The following RXFP1 variants were observed in gnomAD, a reference collection of about 807,000 sequenced individuals.
The protein encoded by RXFP1 is relaxin receptor 1.
A neutral mutation model predicts 89.8 loss-of-function variants in RXFP1; 73 were observed. The observed-to-expected ratio is 0.81, with a 90% CI of 0.67 to 0.99. The LOEUF is 0.99. RXFP1 is among the 50% of genes least tolerant of loss of function. The pLI is 0.00. For synonymous variants in RXFP1, 277 were observed against 305.5 expected (o/e 0.91, Z 0.97); for missense variants, 793 against 895.5 (o/e 0.89, Z 1.46).
At chr4:158,607,890 C>T in intron 5 of RXFP1, 82 bp from the exon 6 acceptor site, 1 of 847,042 alleles carries the variant, frequency 1.2e-6, no homozygotes, top group Non-Finnish European at 1.9e-6. Flanking sequence ...CCATCACCAT[C>T]ATCCATCCAC....
chr4:158,633,438 A>G lies in RXFP1; in HGVS notation c.933A>G (p.Pro311=), dbSNP rs766539152. 3 of 1,604,284 alleles carry G rather than the reference A, an allele frequency of 1.9e-6. No individual in the cohort carries two copies. Among genetic ancestry groups the G allele is most frequent in the Non-Finnish European group, 2.6e-6 (3 of 1,172,792 alleles). ...DLGSNKIENL[P]PLIFKDLKEL... is the part of the protein sequence containing the mutation. ...GAAGTAATAAGATTGAAAATCTTCC[A>G]CCGCTTATATTCAAGGACCTGAAGG... The change falls in exon 12 of 18, where the codon CCA becomes CCG. Residue 311 remains proline (P), a synonymous_variant. Transcript: ENST00000307765.
At chr4:158,616,753 C>G (rs892578301) in intron 8 of RXFP1, among the ~76,000 whole-genome samples, 1 of 151,078 alleles carries the variant, frequency 6.6e-6, no homozygotes, top group South Asian at 2.1e-4. Context: ...AATCCCAGCA[C>G]TTTGGGAGTC....
At chr4:158,542,076 T>G (rs1579444656) in intron 1 of RXFP1, among the ~76,000 whole-genome samples, 3 of 53,502 alleles carry the variant, frequency 5.6e-5, no homozygotes, top group East Asian at 6.1e-4. Context: ...GGCGCCACCA[T>G]GGCTATATAT....
At position 158,572,710 on chromosome 4, in the gene RXFP1, G is replaced by T; in HGVS notation, c.62G>T (p.Gly21Val). ...LIFGKYFSHG[G>V]GQDVKCSLGY... ...CCCTTTTCCTCAGTTTCTCATGGGG[G>T]TGGACAGGATGTCAAGTGCTCCCTT... The change falls in exon 2 of 18, where the codon GGT becomes GTT. Residue 21 changes from glycine (G) to valine (V), a missense_variant. Physicochemically the swap from Gly to Val is moderately radical, Grantham distance 109. Transcript: ENST00000307765. 1 of 1,614,130 alleles carries T rather than the reference G, an allele frequency of 6.2e-7. No homozygotes were observed.
At chr4:158,592,102 C>T (rs1352891798) in intron 2 of RXFP1, among the ~76,000 whole-genome samples, 2 of 151,820 alleles carry the variant, frequency 1.3e-5, no homozygotes, top group African/African-American at 4.8e-5. Flanking sequence ...CCTTTTATCC[C>T]ACAAATAAAA....
At chr4:158,583,027 TTAA>T (rs1394837548) in intron 2 of RXFP1, among the ~76,000 whole-genome samples, 3 of 152,248 alleles carry the variant, frequency 2.0e-5, no homozygotes, top group African/African-American at 7.2e-5. Context: ...ATGAAAGTGG[TTAA>T]TTCTAGCTGC....
At chr4:158,524,265 A>G (rs536170339) in intron 1 of RXFP1, among the ~76,000 whole-genome samples, 4 of 152,316 alleles carry the variant, frequency 2.6e-5, no homozygotes, top group South Asian at 2.1e-4. Context: ...CCCCTAGACC[A>G]TGATAATTCT....
chr4:158,641,911 G>A (rs974235088), intron 14 of RXFP1, among the ~76,000 whole-genome samples: 14 of 152,272 alleles, frequency 9.2e-5, no homozygotes, highest in Admixed American at 6.5e-4. Context: ...TCAATAAAAG[G>A]TGTTGGTGTT....
At chr4:158,629,650 A>G (rs570488813) in intron 11 of RXFP1, among the ~76,000 whole-genome samples, 1 of 151,998 alleles carries the variant, frequency 6.6e-6, no homozygotes, top group East Asian at 1.9e-4. Context: ...TTCTAGTACC[A>G]GGGTGTCACT....
At chr4:158,526,879 C>T (rs541216444) in intron 1 of RXFP1, among the ~76,000 whole-genome samples, 2 of 152,206 alleles carry the variant, frequency 1.3e-5, no homozygotes, top group South Asian at 4.2e-4. Flanking sequence ...TGCCTCTGGC[C>T]ATTGTGCCAG....
At chr4:158,533,027 G>A (rs1460076426) in intron 1 of RXFP1, among the ~76,000 whole-genome samples, 1 of 152,130 alleles carries the variant, frequency 6.6e-6, no homozygotes, top group African/African-American at 2.4e-5. Flanking sequence ...TTCACTCTCA[G>A]CAGGTTCAGG....
chr4:158,646,566 A>G (rs1052338717), intron 15 of RXFP1: 10 of 1,363,506 alleles, frequency 7.3e-6, no homozygotes, highest in Non-Finnish European at 9.4e-6. Context: ...AAATGAAGAA[A>G]TGATTGCATA....
chr4:158,605,917 A>G (rs1238387314), intron 5 of RXFP1, among the ~76,000 whole-genome samples: 2 of 152,226 alleles, frequency 1.3e-5, no homozygotes, highest in South Asian at 4.1e-4. Context: ...ATTAATATAT[A>G]TCTGTACATT....
In RXFP1 at chr4:158,646,922, A is replaced by T; in HGVS notation, c.1477A>T (p.Ile493Phe). The change falls in exon 16 of 18, where the codon ATT becomes TTT. Residue 493 changes from isoleucine (I) to phenylalanine (F), a missense_variant. Physicochemically the swap from Ile to Phe is conservative, Grantham distance 21. Coordinates refer to ENST00000307765, the MANE Select transcript of RXFP1 (RefSeq NM_021634.4). Reference sequence around the variant, plus strand: ...TTGTCAGCTTGTAGGATCTTTGGCCATTCTGTCCACAGAAGTATCAGTTTT... The same window carrying T: ...TTGTCAGCTTGTAGGATCTTTGGCCTTTCTGTCCACAGAAGTATCAGTTTT... ...THCQLVGSLA[I>F]LSTEVSVLLL... 1 of 1,614,188 alleles carries T rather than the reference A, an allele frequency of 6.2e-7. No homozygotes were observed. The highest frequency in any genetic ancestry group is 1.1e-5 in the South Asian group (1 of 91,080).
At chr4:158,579,024 A>G (rs1466179962) in intron 2 of RXFP1, among the ~76,000 whole-genome samples, 3 of 147,890 alleles carry the variant, frequency 2.0e-5, no homozygotes, top group African/African-American at 7.6e-5. Flanking sequence ...CCTAGATCCA[A>G]TGACAGTGTC....
chr4:158,532,486 C>G (rs1744295422), intron 1 of RXFP1, among the ~76,000 whole-genome samples: 1 of 152,150 alleles, frequency 6.6e-6, no homozygotes, highest in Admixed American at 6.5e-5. Flanking sequence ...TTCCCCTTCT[C>G]CCCTTCTGAC....
At chr4:158,562,055 G>A (rs1013103116) in intron 1 of RXFP1, among the ~76,000 whole-genome samples, 10 of 151,968 alleles carry the variant, frequency 6.6e-5, no homozygotes, top group African/African-American at 1.2e-4. Context: ...CTCTTACAAC[G>A]TAAAATCACA....
chr4:158,627,149 G>A (rs1038353717), intron 10 of RXFP1, among the ~76,000 whole-genome samples: 4 of 152,134 alleles, frequency 2.6e-5, no homozygotes, highest in African/African-American at 4.8e-5. Flanking sequence ...ACTGCTGAAT[G>A]TTCACAACCT....
At chr4:158,626,586 C>T (rs1766886527) in intron 9 of RXFP1, among the ~76,000 whole-genome samples, 1 of 151,984 alleles carries the variant, frequency 6.6e-6, no homozygotes, top group African/African-American at 2.4e-5. Flanking sequence ...CCCGTATGCA[C>T]TCATGATACA....
Sources: allele counts gnomAD v4.1 joint callset (sites outside exome capture counted in the v4.1 genomes callset), GRCh38; gene constraint gnomAD v4.1.1; transcripts MANE v1.5; gene names NCBI Gene and HGNC (gene_info 2026-07-23, HGNC 2026-07-21).